The following ZNF438 variants were observed in gnomAD, a reference collection of about 807,000 sequenced individuals.
ZNF438 encodes the protein zinc finger protein 438.
ZNF438 carries 25 observed loss-of-function variants against 38.0 expected under a neutral mutation model. That is an observed-to-expected ratio of 0.66 (90% CI 0.48 to 0.92). The LOEUF is 0.92. ZNF438 is among the 40% of genes least tolerant of loss of function. The pLI is 0.00. For synonymous variants in ZNF438, 372 were observed against 364.1 expected, an observed-to-expected ratio of 1.02 and a Z score of -0.25; for missense variants, 1,007 against 999.6, an observed-to-expected ratio of 1.01 and a Z score of -0.10.
At chr10:30,980,794 A>G (rs2052039699) in intron 1 of ZNF438, among the ~76,000 whole-genome samples, 1 of 152,228 alleles carries the variant, frequency 6.6e-6, no homozygotes, top group South Asian at 2.1e-4. Flanking sequence ...ACCATAAAGA[A>G]GAGAAGATAG....
intron 1 of ZNF438, among the ~76,000 whole-genome samples, chr10:31,013,279 A>C (rs575755031): frequency 0.01 from 1,521 of 152,068 alleles, 21 homozygotes; most frequent in African/African-American, 0.034. Flanking sequence ...AGATCCCGCC[A>C]CTGCACTCCA....
intron 1 of ZNF438, among the ~76,000 whole-genome samples, chr10:31,018,901 C>A (rs935993905): frequency 2.0e-5 from 3 of 152,136 alleles, no homozygotes; most frequent in Admixed American, 2.0e-4. Context: ...GGACAAGCAC[C>A]TTATATTTAC....
chr10:30,983,436 G>A (rs2052439288), intron 1 of ZNF438, among the ~76,000 whole-genome samples: 1 of 152,102 alleles, frequency 6.6e-6, no homozygotes, highest in South Asian at 2.1e-4. Flanking sequence ...GTGTGAAGGG[G>A]GAGGTGTTAC....
intron 4 of ZNF438, among the ~76,000 whole-genome samples, chr10:30,867,777 G>A (rs186027701): frequency 1.6e-4 from 25 of 152,224 alleles, no homozygotes; most frequent in Non-Finnish European, 2.8e-4. Context: ...TAACATGGCA[G>A]ATCAATAGGA....
At chr10:30,975,741 T>C (rs1383365879) in intron 1 of ZNF438, among the ~76,000 whole-genome samples, 3 of 152,134 alleles carry the variant, frequency 2.0e-5, no homozygotes, top group Non-Finnish European at 4.4e-5. Context: ...TAAATCAAAA[T>C]AATAAGTAAT....
chr10:30,846,894 G>C (rs2032281504), intron 5 of ZNF438, among the ~76,000 whole-genome samples: 1 of 152,214 alleles, frequency 6.6e-6, no homozygotes, highest in Non-Finnish European at 1.5e-5. Context: ...CAAGGCTGGG[G>C]CTGAGCCTGG....
chr10:30,942,362 T>C (rs543234603), intron 1 of ZNF438, among the ~76,000 whole-genome samples: 3 of 152,214 alleles, frequency 2.0e-5, no homozygotes, highest in Non-Finnish European at 4.4e-5. Context: ...ATGGCTCTGG[T>C]TTTCAAGTGT....
intron 1 of ZNF438, among the ~76,000 whole-genome samples, chr10:30,982,135 G>A (rs1314271287): frequency 6.9e-5 from 10 of 144,988 alleles, no homozygotes; most frequent in African/African-American, 2.1e-4. Flanking sequence ...GGAGTCTCGC[G>A]CTGTCACCCA....
chr10:31,004,588 A>T (rs1161691513), intron 1 of ZNF438, among the ~76,000 whole-genome samples: 2 of 152,198 alleles, frequency 1.3e-5, no homozygotes, highest in African/African-American at 4.8e-5. Flanking sequence ...GAGATAATAG[A>T]CACGTCGGAA....
At chr10:30,999,056 A>G (rs1220143583) in intron 1 of ZNF438, among the ~76,000 whole-genome samples, 1 of 152,196 alleles carries the variant, frequency 6.6e-6, no homozygotes, top group Non-Finnish European at 1.5e-5. Flanking sequence ...AAATAACAAA[A>G]AACACTAGAA....
chr10:30,904,702 A>C (rs2042397189), intron 3 of ZNF438, among the ~76,000 whole-genome samples: 1 of 152,006 alleles, frequency 6.6e-6, no homozygotes. Flanking sequence ...TCTCATTCAC[A>C]CTGACCTTCC....
chr10:30,905,543 T>C (rs978207005), intron 3 of ZNF438, among the ~76,000 whole-genome samples: 4 of 152,222 alleles, frequency 2.6e-5, no homozygotes, highest in Admixed American at 2.6e-4. Context: ...TTTTCTCCCA[T>C]TTTGTGGGCT....
chr10:30,846,318 A>T (rs967174272), intron 5 of ZNF438, among the ~76,000 whole-genome samples: 1 of 152,218 alleles, frequency 6.6e-6, no homozygotes, highest in African/African-American at 2.4e-5. Flanking sequence ...TAGTCCTGAG[A>T]GTGTCAGGTT....
intron 3 of ZNF438, among the ~76,000 whole-genome samples, chr10:30,902,025 G>GA (rs140087955): frequency 0.43 from 65,006 of 151,884 alleles, 14,398 homozygotes; most frequent in Non-Finnish European, 0.47. Context: ...CCTTCGCAGT[G>GA]AGTGTTACAG....
chr10:31,015,852 T>A (rs1217661258), intron 1 of ZNF438, among the ~76,000 whole-genome samples: 1 of 152,204 alleles, frequency 6.6e-6, no homozygotes, highest in Non-Finnish European at 1.5e-5. Context: ...GCTGTACTCT[T>A]ACTGTGTCTT....
intron 1 of ZNF438, among the ~76,000 whole-genome samples, chr10:30,953,646 A>T (rs1426295350): frequency 9.4e-6 from 1 of 106,478 alleles, no homozygotes; most frequent in Non-Finnish European, 1.9e-5. Context: ...TAATAAAAAA[A>T]AAAACATACA....
chr10:30,910,599 A>T (rs2042978707), intron 2 of ZNF438, among the ~76,000 whole-genome samples: 1 of 151,598 alleles, frequency 6.6e-6, no homozygotes, highest in Non-Finnish European at 1.5e-5. Flanking sequence ...GCAAAGGGGC[A>T]GAAAGCAACT....
intron 1 of ZNF438, among the ~76,000 whole-genome samples, chr10:30,990,207 T>C (rs554741996): frequency 1.3e-5 from 2 of 152,332 alleles, no homozygotes; most frequent in South Asian, 2.1e-4. Flanking sequence ...CAAGAATTTA[T>C]GTTACCTGTC....
chr10:30,869,659 A>G (rs767417683), intron 4 of ZNF438, among the ~76,000 whole-genome samples: 4 of 152,210 alleles, frequency 2.6e-5, no homozygotes, highest in Non-Finnish European at 4.4e-5. Context: ...AAGTTATTAC[A>G]TCAGAAAGTT....
Sources: gnomAD v4.1 joint callset for allele counts (sites outside exome capture counted in the v4.1 genomes callset) on GRCh38, gnomAD v4.1.1 for gene constraint, MANE v1.5 for transcripts, NCBI Gene and HGNC (gene_info 2026-07-23, HGNC 2026-07-21) for gene names.